Variants in NQO1 observed in about 807,000 individuals in gnomAD.
The protein encoded by NQO1 is NAD(P)H dehydrogenase [quinone] 1.
NQO1 carries 30 observed loss-of-function variants against 32.1 expected under a neutral mutation model. The ratio of observed to expected loss-of-function variants is 0.94; its 90% CI spans 0.70 to 1.27. The LOEUF (loss-of-function observed/expected upper bound fraction) is 1.27, where lower values mean the gene tolerates loss of function less well. Ranked by LOEUF, NQO1 falls within the 50% of genes most tolerant of loss-of-function variation. NQO1 has a pLI of 0.00. For synonymous variants in NQO1, 109 were observed against 119.7 expected (o/e 0.91, Z 0.59); for missense variants, 276 against 331.3 (o/e 0.83, Z 1.30).
At chr16:69,717,922 T>C in intron 3 of NQO1, 1 of 803,090 alleles carries the variant, frequency 1.2e-6, no homozygotes, top group Non-Finnish European at 1.9e-6. Context: ...TGCAGTTGCA[T>C]TTACACATGC....
At chr16:69,723,805 C>CA (rs1257581345) in intron 1 of NQO1, among the ~76,000 whole-genome samples, 1 of 151,958 alleles carries the variant, frequency 6.6e-6, no homozygotes, top group Non-Finnish European at 1.5e-5. Flanking sequence ...CTGTCTCAAA[C>CA]AAACAAACAA....
chr16:69,718,513 A>T lies in NQO1; in HGVS notation c.29T>A (p.Leu10Gln). The change falls in exon 2 of 6, where the codon CTG becomes CAG. Residue 10 changes from leucine to glutamine, a missense_variant. Coordinates refer to ENST00000320623, the MANE Select transcript of NQO1 (RefSeq NM_000903.3). Reference sequence around the variant, plus strand: ...GAAGGACGTCCTCTCTGAGTGAGCCAGTACGATCAGTGCTCTTCTGCCTAC... The same window carrying T: ...GAAGGACGTCCTCTCTGAGTGAGCCTGTACGATCAGTGCTCTTCTGCCTAC... Reference protein sequence around the residue: MVGRRALIVLAHSERTSFNY... With the variant: MVGRRALIVQAHSERTSFNY... 15 of 1,613,974 alleles carry T rather than the reference A, an allele frequency of 9.3e-6. No homozygotes were observed. Among genetic ancestry groups the T allele is most frequent in the Non-Finnish European group, 1.3e-5 (15 of 1,179,962 alleles).
chr16:69,719,759 T>A (rs45534836), intron 1 of NQO1, among the ~76,000 whole-genome samples: 6 of 147,386 alleles, frequency 4.1e-5, no homozygotes, highest in Non-Finnish European at 6.1e-5. Context: ...GGTGACAGAG[T>A]AAGACCCTGT....
At chr16:69,724,809 C>G (rs2038239628) in intron 1 of NQO1, among the ~76,000 whole-genome samples, 2 of 152,162 alleles carry the variant, frequency 1.3e-5, no homozygotes, top group African/African-American at 4.8e-5. Flanking sequence ...GAGTGCAAAT[C>G]AGATGCATCT....
intron 1 of NQO1, among the ~76,000 whole-genome samples, chr16:69,720,132 G>T (rs986064409): frequency 6.6e-6 from 1 of 152,074 alleles, no homozygotes; most frequent in Non-Finnish European, 1.5e-5. Context: ...GGTGGTGTAT[G>T]CCTGTAGTCC....
Position 69,714,966 on chromosome 16 carries a change from G to A in NQO1, c.415C>T (p.Arg139Trp), listed in dbSNP as rs1131341. The change falls in exon 4 of 6, where the codon CGG becomes TGG. Residue 139 changes from arginine to tryptophan, a missense_variant and splice_region_variant. By Grantham distance (101) the Arg-to-Trp change is moderately radical. Coordinates refer to ENST00000320623, the MANE Select transcript of NQO1 (RefSeq NM_000903.3). ...AGCATTCAGAACCATCCACCTACCC[G>A]GAAGGGTCCTTTGTCATACATGGCA... ...YAAMYDKGPF[R>W]SKKAVLSITT... is the part of the protein sequence containing the mutation. 0.038 allele frequency: 61,367 copies of A among 1,608,954 alleles called. 1,445 individuals carry two copies. Among genetic ancestry groups the A allele is most frequent in the South Asian group, 0.06 (5,428 of 90,964 alleles).
intron 5 of NQO1, among the ~76,000 whole-genome samples, chr16:69,712,672 G>A (rs566036717): frequency 3.9e-5 from 6 of 152,162 alleles, no homozygotes; most frequent in Admixed American, 2.6e-4. Flanking sequence ...TGAACCCCAC[G>A]AAGGCTCAAT....
chr16:69,711,041 G>A lies in NQO1; in HGVS notation c.760C>T (p.Leu254Phe), dbSNP rs773670450. 63 of 1,614,136 alleles carry A rather than the reference G, an allele frequency of 3.9e-5. No individual in the cohort carries two copies. Among genetic ancestry groups the A allele is most frequent in the Non-Finnish European group, 4.9e-5 (58 of 1,180,012 alleles). The part of the protein sequence containing the change: ...QDEEKNKKFG[L>F]SVGHHLGKSI... ...TTGCCCAAGTGATGGCCCACAGAAA[G>A]GCCAAATTTCTTGTTTTTCTCCTCA... is the stretch of plus-strand genomic sequence containing the variant. Residue 254 changes from leucine to phenylalanine, a missense_variant, in exon 6 of 6, where the codon CTT becomes TTT. By Grantham distance (22) the Leu-to-Phe change is conservative. Coordinates refer to ENST00000320623, the MANE Select transcript of NQO1 (RefSeq NM_000903.3).
At chr16:69,717,572 C>CG (rs2038130870) in intron 3 of NQO1, among the ~76,000 whole-genome samples, 1 of 151,554 alleles carries the variant, frequency 6.6e-6, no homozygotes, top group South Asian at 2.1e-4. Flanking sequence ...AGCTCAAGGA[C>CG]TGTACATCAT....
At chr16:69,723,123 C>A (rs1398803112) in intron 1 of NQO1, among the ~76,000 whole-genome samples, 1 of 152,190 alleles carries the variant, frequency 6.6e-6, no homozygotes, top group Non-Finnish European at 1.5e-5. Context: ...CGGGGTTTCA[C>A]CGTGTTAGCC....
At chr16:69,720,192 T>C (rs547318000) in intron 1 of NQO1, among the ~76,000 whole-genome samples, 3 of 151,130 alleles carry the variant, frequency 2.0e-5, no homozygotes, top group Non-Finnish European at 3.0e-5. Flanking sequence ...ACCCAGGAGG[T>C]TGAGGCTGCA....
chr16:69,715,075 G>A lies in NQO1; in HGVS notation c.306C>T (p.Phe102=), dbSNP rs2038096204. The change falls in exon 4 of 6, where the codon TTC becomes TTT. Residue 102 remains phenylalanine, a splice_region_variant and synonymous_variant. Transcript: ENST00000320623. ...CAGGGACTCCAAACCACTGCAGGGG[G>A]AACTGTGGGACAGAAGACATCATTG... ...LEAADLVIFQ[F]PLQWFGVPAI... is the part of the protein sequence containing the mutation. 1 of 1,611,772 alleles carries A rather than the reference G, an allele frequency of 6.2e-7. No homozygotes were observed. The highest frequency in any genetic ancestry group is 1.7e-5 in the Admixed American group (1 of 59,978).
chr16:69,714,450 C>T (rs1365344232), intron 4 of NQO1, among the ~76,000 whole-genome samples: 6 of 151,742 alleles, frequency 4.0e-5, no homozygotes, highest in Non-Finnish European at 7.4e-5. Flanking sequence ...AAATTACAGG[C>T]GTGAGCCACT....
At position 69,718,554 on chromosome 16, in the gene NQO1, G is replaced by C. The variant is rs41280872; in HGVS notation, c.8-20C>G. ...TTCTGCCTACAGAGACACACACAAA[G>C]CACACACGGAAAACCCATTACCAAC... is the stretch of plus-strand genomic sequence containing the variant. On this transcript the variant is annotated intron_variant, in intron 1 of 5. Transcript: ENST00000320623. 1 of 1,611,404 alleles carries C rather than the reference G, an allele frequency of 6.2e-7. No individual in the cohort carries two copies. Among genetic ancestry groups the C allele is most frequent in the Non-Finnish European group, 8.5e-7 (1 of 1,179,078 alleles).
rs2038267692 is a variant in NQO1 at position 69,726,536 on chromosome 16, CT to C, written c.-98del. On this transcript the variant is annotated 5_prime_UTR_variant, in exon 1 of 6. Transcript: ENST00000320623. ...CTCTCGGTGAGCTGGGCGGCTCCGG[CT>C]GCAACCTTGTGGGAGTCGCGTGTGT... 6.5e-7 allele frequency: 1 copy of C among 1,544,426 alleles called. No homozygotes were observed. Among genetic ancestry groups the C allele is most frequent in the Non-Finnish European group, 8.7e-7 (1 of 1,143,782 alleles).
Position 69,710,832 on chromosome 16 carries a change from A to G in NQO1, c.*144T>C, listed in dbSNP as rs2038027924. ...AGAATCAGTTAAAAATGATCCAAAA[A>G]TGCACGAATACAGTCGATTCCCTCT... On this transcript the variant is annotated 3_prime_UTR_variant, in exon 6 of 6. Coordinates refer to ENST00000320623, the MANE Select transcript of NQO1 (RefSeq NM_000903.3). The G allele has an allele frequency of 5.4e-5, 50 of 927,580 alleles. No individual in the cohort carries two copies. In the South Asian group the frequency reaches 7.8e-4, roughly 14 times the overall value. The allele number at this position is 927,580 out of a possible 1,614,324, so 57.5% of individuals were successfully genotyped here.
Position 69,711,241 on chromosome 16 carries a change from G to A in NQO1, c.560C>T (p.Pro187Leu), listed in dbSNP as rs930492896. The A allele has an allele frequency of 6.2e-7, 1 of 1,611,832 alleles. No homozygotes were observed. The highest frequency in any genetic ancestry group is 1.3e-5 in the African/African-American group (1 of 74,868). ...GTGCCCAATGCTATATGTCAGTTGA[G>A]GTTCTAAGACTTGGAAGCCACAGAA... is the stretch of plus-strand genomic sequence containing the variant. ...LHFCGFQVLE[P>L]QLTYSIGHTP... Residue 187 changes from proline (P) to leucine (L), a missense_variant, in exon 6 of 6, where the codon CCT becomes CTT. Pro to Leu is a moderately conservative substitution (Grantham distance 98). Transcript: ENST00000320623.
chr16:69,724,996 G>C (rs2038241970), intron 1 of NQO1, among the ~76,000 whole-genome samples: 1 of 152,174 alleles, frequency 6.6e-6, no homozygotes, highest in African/African-American at 2.4e-5. Context: ...TGAAAAGTCA[G>C]GAAATAGTTC....
chr16:69,722,127 A>G (rs1340743905), intron 1 of NQO1, among the ~76,000 whole-genome samples: 2 of 123,974 alleles, frequency 1.6e-5, no homozygotes, highest in African/African-American at 6.2e-5. Context: ...CAGTGGGTGG[A>G]GCTGGGAGAG....
Sources: gnomAD v4.1 joint callset for allele counts (sites outside exome capture counted in the v4.1 genomes callset) on GRCh38, gnomAD v4.1.1 for gene constraint, MANE v1.5 for transcripts, NCBI Gene and HGNC (gene_info 2026-07-23, HGNC 2026-07-21) for gene names.